DNAH5: variants seen among roughly 807,000 people sequenced by gnomAD.
DNAH5 encodes dynein axonemal heavy chain 5.
DNAH5 carries 372 observed loss-of-function variants against 518.2 expected under a neutral mutation model. That is an observed-to-expected ratio of 0.72 (90% CI 0.66 to 0.78). The LOEUF is 0.78. Among genes scored for constraint, DNAH5 ranks in the 30% least tolerant of loss-of-function variants. The probability of loss-of-function intolerance (pLI) is 0.00; values close to 1 mark genes in which losing one functional copy is unlikely to be tolerated. For missense variants in DNAH5, 5,523 were observed against 5,687.0 expected, an observed-to-expected ratio of 0.97 and a Z score of 0.93; for synonymous variants, 2,039 against 2,025.9, an observed-to-expected ratio of 1.01 and a Z score of -0.17.
chr5:13,918,522 C>T (rs1358100549), intron 7 of DNAH5, among the ~76,000 whole-genome samples: 6 of 152,216 alleles, frequency 3.9e-5, no homozygotes, highest in East Asian at 1.9e-4. Context: ...CAGGCTGGAG[C>T]GCAGTGGCAC....
chr5:13,903,132 C>A (rs1431568848), intron 12 of DNAH5, among the ~76,000 whole-genome samples: 2 of 151,938 alleles, frequency 1.3e-5, no homozygotes, highest in East Asian at 1.9e-4. Context: ...AAGAACAGAA[C>A]TGAATAAAAC....
intron 1 of DNAH5, among the ~76,000 whole-genome samples, chr5:13,937,608 C>T (rs1283445792): frequency 1.3e-5 from 2 of 151,876 alleles, no homozygotes; most frequent in African/African-American, 2.4e-5. Context: ...ATACCAGGTC[C>T]TCATACAATA....
At chr5:13,838,748 C>A (rs1764753141) in intron 35 of DNAH5, among the ~76,000 whole-genome samples, 2 of 152,164 alleles carry the variant, frequency 1.3e-5, no homozygotes, top group African/African-American at 2.4e-5. Flanking sequence ...CACCCACCCC[C>A]TGGTCTGTAG....
intron 1 of DNAH5, among the ~76,000 whole-genome samples, chr5:13,941,043 G>A (rs532185466): frequency 2.9e-5 from 4 of 138,524 alleles, no homozygotes; most frequent in South Asian, 5.0e-4. Context: ...GTTCAGGCTA[G>A]AGAGTGCTCA....
intron 12 of DNAH5, among the ~76,000 whole-genome samples, chr5:13,910,991 T>G (rs934384309): frequency 3.9e-5 from 6 of 152,230 alleles, no homozygotes; most frequent in Admixed American, 6.5e-5. Context: ...GTGGCAGCCC[T>G]GCCTTGGAAT....
At chr5:13,914,397 A>G in intron 10 of DNAH5, 123 bp downstream of exon 10, 2 of 1,200,356 alleles carry the variant, frequency 1.7e-6, no homozygotes, top group South Asian at 2.9e-5. Context: ...CATTTTCTTC[A>G]TAGTTAAGAA....
chr5:13,714,651 A>T (rs1401166739), intron 74 of DNAH5, 31 bp from the exon 75 acceptor site: 1 of 1,606,706 alleles, frequency 6.2e-7, no homozygotes, highest in Admixed American at 1.7e-5. Flanking sequence ...ATAAGCACAG[A>T]CTGCCAACAT....
intron 2 of DNAH5, among the ~76,000 whole-genome samples, chr5:13,929,526 A>C (rs1778214165): frequency 6.6e-6 from 1 of 152,236 alleles, no homozygotes; most frequent in African/African-American, 2.4e-5. Flanking sequence ...TTTTTAAAGG[A>C]TAAAATCTAG....
intron 6 of DNAH5, among the ~76,000 whole-genome samples, chr5:13,919,672 G>A (rs908329446): frequency 2.0e-5 from 3 of 151,850 alleles, no homozygotes; most frequent in African/African-American, 7.3e-5. Context: ...ATATTTATGG[G>A]GTACATGTGA....
intron 2 of DNAH5, among the ~76,000 whole-genome samples, chr5:13,929,802 A>AAG (rs1184780986): frequency 2.6e-5 from 4 of 152,184 alleles, no homozygotes; most frequent in Non-Finnish European, 5.9e-5. Flanking sequence ...GTATCCCTAC[A>AAG]GAGCTGAACT....
At chr5:13,793,099 T>G (rs559547994) in intron 49 of DNAH5, among the ~76,000 whole-genome samples, 21 of 152,196 alleles carry the variant, frequency 1.4e-4, no homozygotes, top group Non-Finnish European at 2.6e-4. Flanking sequence ...CTGGGTGCCA[T>G]TATTTCTTTG....
chr5:13,830,012 T>C lies in DNAH5; in HGVS notation c.6249+14A>G. On this transcript the variant is annotated intron_variant, in intron 37 of 78. Transcript: ENST00000265104. ...GAAGGCTGAAATTCAGTAGCTTTTCTAGCAGCTCCTTACCATGGTTAAGAA... is the reference window on the plus strand; with the variant it reads ...GAAGGCTGAAATTCAGTAGCTTTTCCAGCAGCTCCTTACCATGGTTAAGAA... 6.2e-7 allele frequency: 1 copy of C among 1,608,862 alleles called. No homozygotes were observed. Among genetic ancestry groups the C allele is most frequent in the Non-Finnish European group, 8.5e-7 (1 of 1,176,642 alleles).
chr5:13,863,134 C>G (rs1370613633), intron 28 of DNAH5, among the ~76,000 whole-genome samples: 1 of 152,152 alleles, frequency 6.6e-6, no homozygotes, highest in Non-Finnish European at 1.5e-5. Context: ...TGAATGAACA[C>G]AGGTAGCAGA....
At chr5:13,845,574 C>G (rs1366548582) in intron 31 of DNAH5, among the ~76,000 whole-genome samples, 2 of 152,070 alleles carry the variant, frequency 1.3e-5, no homozygotes, top group African/African-American at 4.8e-5. Flanking sequence ...TGTTCCCGAT[C>G]ACTGACTTGC....
intron 41 of DNAH5, among the ~76,000 whole-genome samples, chr5:13,819,548 G>A (rs887708942): frequency 1.3e-5 from 2 of 152,058 alleles, no homozygotes; most frequent in Admixed American, 1.3e-4. Flanking sequence ...TGCTGGATGG[G>A]CTTTCAGTCA....
In DNAH5 at chr5:13,877,668, T is replaced by C. The variant is rs187652923; in HGVS notation, c.3263-851A>G. ...TGGAGACACACTTGGACATGGATCC[T>C]GCTCCAGGCACTGAACCAGAGAATT... On this transcript the variant is annotated intron_variant, in intron 21 of 78. Coordinates refer to ENST00000265104, the MANE Select transcript of DNAH5 (RefSeq NM_001369.3). Among the ~76,000 whole-genome samples, 32 of 152,330 alleles carry C rather than the reference T, an allele frequency of 2.1e-4. No homozygotes were observed. In the East Asian group the frequency reaches 5.8e-3, roughly 28 times the overall value.
Position 13,719,062 on chromosome 5 carries a change from C to G in DNAH5, c.12319G>C (p.Asp4107His), listed in dbSNP as rs781125354. 1.9e-6 allele frequency: 3 copies of G among 1,614,090 alleles called. No homozygotes were observed. The highest frequency in any genetic ancestry group is 8.5e-7 in the Non-Finnish European group (1 of 1,180,002). ...ATGTCCATCAGCTCATCCATGAAAT[C>G]AAGTCCCAGATGGCAGTTCTGCAGA... ...ALLQNCHLGL[D>H]FMDELMDIII... Residue 4107 changes from aspartate to histidine, a missense_variant, in exon 72 of 79, where the codon GAT (aspartate) becomes CAT (histidine). Coordinates refer to ENST00000265104, the MANE Select transcript of DNAH5 (RefSeq NM_001369.3).
chr5:13,792,159 ATCTC>A lies in DNAH5; in HGVS notation c.8279_8282del (p.Arg2760IlefsTer3). On this transcript the variant is annotated frameshift_variant, in exon 50 of 79. Transcript: ENST00000265104. LOFTEE classifies it high-confidence loss of function. ...TCAGAGGCACCAATTTTGTCACAGA[ATCTC>A]TCACTTCTTCTGAGAAACCCCTCTG... is the stretch of plus-strand genomic sequence containing the variant. 1 of 1,613,980 alleles carries A rather than the reference ATCTC, an allele frequency of 6.2e-7. No homozygotes were observed.
intron 47 of DNAH5, 73 bp downstream of exon 47, chr5:13,807,518 G>C (rs1759807118): frequency 2.1e-6 from 3 of 1,421,854 alleles, no homozygotes; most frequent in Non-Finnish European, 3.0e-6. Flanking sequence ...AATTGAAGCA[G>C]AATAGTAGAG....
Sources: allele counts gnomAD v4.1 joint callset (sites outside exome capture counted in the v4.1 genomes callset), GRCh38; gene constraint gnomAD v4.1.1; transcripts MANE v1.5; gene names NCBI Gene and HGNC (gene_info 2026-07-23, HGNC 2026-07-21).